Variants in CNTNAP5 observed in about 807,000 individuals in gnomAD.
The protein encoded by CNTNAP5 is contactin-associated protein-like 5.
Under a neutral mutation model 150.2 loss-of-function variants are expected in CNTNAP5, and 72 were observed. That is an observed-to-expected ratio of 0.48 (90% CI 0.40 to 0.58). The LOEUF (loss-of-function observed/expected upper bound fraction) is 0.58. CNTNAP5 is among the 20% of genes least tolerant of loss of function. The pLI is 0.00. For missense variants in CNTNAP5, 1,636 were observed against 1,626.2 expected, an observed-to-expected ratio of 1.01 and a Z score of -0.10; for synonymous variants, 672 against 619.8, an observed-to-expected ratio of 1.08 and a Z score of -1.25.
chr2:124,509,009 C>T (rs562051734), intron 8 of CNTNAP5, among the ~76,000 whole-genome samples: 1 of 152,148 alleles, frequency 6.6e-6, no homozygotes, highest in Non-Finnish European at 1.5e-5. Flanking sequence ...CGGGGCTATA[C>T]TTGATGCTTG....
chr2:124,528,743 C>G (rs1224294711), intron 10 of CNTNAP5, among the ~76,000 whole-genome samples: 1 of 152,044 alleles, frequency 6.6e-6, no homozygotes, highest in Non-Finnish European at 1.5e-5. Context: ...TGGTTTCATG[C>G]TCTTGGTGAG....
intron 3 of CNTNAP5, among the ~76,000 whole-genome samples, chr2:124,382,769 A>G (rs1025027529): frequency 6.6e-6 from 1 of 152,148 alleles, no homozygotes; most frequent in Non-Finnish European, 1.5e-5. Context: ...CTTATCCACA[A>G]ATCCTAGCTC....
chr2:124,118,925 A>C (rs1304356252), intron 1 of CNTNAP5, among the ~76,000 whole-genome samples: 1 of 152,154 alleles, frequency 6.6e-6, no homozygotes. Flanking sequence ...ATACTCTTTC[A>C]TGTATACAAT....
At chr2:124,111,436 G>A (rs1009135899) in intron 1 of CNTNAP5, among the ~76,000 whole-genome samples, 1 of 152,158 alleles carries the variant, frequency 6.6e-6, no homozygotes, top group African/African-American at 2.4e-5. Flanking sequence ...GACTGATTCT[G>A]ACATTGCTAA....
intron 17 of CNTNAP5, among the ~76,000 whole-genome samples, chr2:124,780,646 C>T (rs899552970): frequency 1.3e-5 from 2 of 152,322 alleles, no homozygotes; most frequent in Middle Eastern, 3.4e-3. Flanking sequence ...TCCCCCTGAT[C>T]TGTTCAATAA....
intron 13 of CNTNAP5, among the ~76,000 whole-genome samples, chr2:124,734,590 T>C (rs1459881042): frequency 6.6e-6 from 1 of 152,034 alleles, no homozygotes; most frequent in Non-Finnish European, 1.5e-5. Flanking sequence ...ACTAGATTTA[T>C]AGTTGACCAA....
At chr2:124,391,021 T>G (rs1467576325) in intron 3 of CNTNAP5, among the ~76,000 whole-genome samples, 3 of 152,212 alleles carry the variant, frequency 2.0e-5, no homozygotes, top group Admixed American at 6.5e-5. Context: ...AAAGTTAAAT[T>G]CTGAAGCCAA....
At position 124,202,564 on chromosome 2, in the gene CNTNAP5, T is replaced by C. The variant is rs1311559029; in HGVS notation, c.83-19141T>C. Among the ~76,000 whole-genome samples, 4 of 152,180 alleles carry C rather than the reference T, an allele frequency of 2.6e-5. 1 individual carries two copies. The East Asian group carries it at 7.7e-4, about 29-fold the overall frequency. On this transcript the variant is annotated intron_variant, in intron 1 of 23. Transcript: ENST00000682447. ...CGAGCATTGTGGTAGTCCGTTTTTA[T>C]ACTGCTATGAAGAAATACCTGCGAC... is the stretch of plus-strand genomic sequence containing the variant.
At chr2:124,199,428 T>TC (rs1427593375) in intron 1 of CNTNAP5, among the ~76,000 whole-genome samples, 1 of 148,910 alleles carries the variant, frequency 6.7e-6, no homozygotes, top group African/African-American at 2.5e-5. Context: ...TTTTTTTTTT[T>TC]TTTTGAGACG....
At chr2:124,417,851 A>T (rs1691965585) in intron 4 of CNTNAP5, among the ~76,000 whole-genome samples, 1 of 152,184 alleles carries the variant, frequency 6.6e-6, no homozygotes, top group Admixed American at 6.5e-5. Context: ...TCAAGTAACC[A>T]TTTGTCCTTT....
intron 3 of CNTNAP5, among the ~76,000 whole-genome samples, chr2:124,383,277 G>A (rs1042531845): frequency 4.6e-5 from 7 of 152,128 alleles, no homozygotes; most frequent in Admixed American, 6.5e-5. Context: ...TCCCATCACC[G>A]TCTTGGAGCA....
At chr2:124,361,515 T>C (rs1445756392) in intron 3 of CNTNAP5, among the ~76,000 whole-genome samples, 1 of 146,428 alleles carries the variant, frequency 6.8e-6, no homozygotes, top group Non-Finnish European at 1.5e-5. Context: ...GTTTGTTAGT[T>C]TTCCTTCTAA....
chr2:124,047,723 C>G (rs1002244745), intron 1 of CNTNAP5, among the ~76,000 whole-genome samples: 11 of 152,170 alleles, frequency 7.2e-5, no homozygotes, highest in African/African-American at 2.7e-4. Flanking sequence ...GTAAATGGTT[C>G]AAGGTACAGA....
intron 3 of CNTNAP5, among the ~76,000 whole-genome samples, chr2:124,398,583 G>A (rs112295600): frequency 2.7e-3 from 403 of 152,060 alleles, no homozygotes; most frequent in African/African-American, 9.2e-3. Context: ...CACAACCTCT[G>A]CCTCCCAGGT....
At chr2:124,876,141 G>A (rs1677856917) in intron 21 of CNTNAP5, among the ~76,000 whole-genome samples, 1 of 151,982 alleles carries the variant, frequency 6.6e-6, no homozygotes, top group African/African-American at 2.4e-5. Flanking sequence ...CATTCCATGT[G>A]GAAAGAAAAC....
At chr2:124,763,168 C>T (rs555848728) in intron 14 of CNTNAP5, among the ~76,000 whole-genome samples, 2 of 151,882 alleles carry the variant, frequency 1.3e-5, no homozygotes, top group South Asian at 2.1e-4. Context: ...TGAAAAGCAA[C>T]GAAGCAGTAA....
chr2:124,244,293 T>C (rs1686961995), intron 3 of CNTNAP5, among the ~76,000 whole-genome samples: 1 of 152,142 alleles, frequency 6.6e-6, no homozygotes, highest in African/African-American at 2.4e-5. Context: ...GATCTCTTTA[T>C]ATGTCCATTT....
At chr2:124,109,313 C>T (rs1263421550) in intron 1 of CNTNAP5, among the ~76,000 whole-genome samples, 3 of 152,196 alleles carry the variant, frequency 2.0e-5, no homozygotes, top group Non-Finnish European at 4.4e-5. Flanking sequence ...TCAGCCCTCA[C>T]CTCACACAGT....
intron 1 of CNTNAP5, among the ~76,000 whole-genome samples, chr2:124,096,071 T>C (rs1682927206): frequency 6.6e-6 from 1 of 152,192 alleles, no homozygotes; most frequent in Non-Finnish European, 1.5e-5. Flanking sequence ...TTTCCCGTGC[T>C]AGTCTCAAAA....
Sources: gnomAD v4.1 joint callset for allele counts (sites outside exome capture counted in the v4.1 genomes callset) on GRCh38, gnomAD v4.1.1 for gene constraint, MANE v1.5 for transcripts, NCBI Gene and HGNC (gene_info 2026-07-23, HGNC 2026-07-21) for gene names.